CDH13: variants seen among roughly 807,000 people sequenced by gnomAD.
CDH13 encodes the protein cadherin 13, also known as cadherin-13.
CDH13 carries 24 observed loss-of-function variants against 63.8 expected under a neutral mutation model. That is an observed-to-expected ratio of 0.38 (90% CI 0.27 to 0.53). CDH13 has a LOEUF of 0.53. CDH13 is among the 20% of genes least tolerant of loss of function. The probability of loss-of-function intolerance (pLI) is 0.85; values close to 1 mark genes in which losing one functional copy is unlikely to be tolerated. For synonymous variants in CDH13, 503 were observed against 355.3 expected (o/e 1.42, Z -4.67); for missense variants, 1,049 against 903.1 (o/e 1.16, Z -2.07).
intron 3 of CDH13, among the ~76,000 whole-genome samples, chr16:83,100,161 T>G (rs541362663): frequency 6.6e-6 from 1 of 152,198 alleles, no homozygotes; most frequent in Admixed American, 6.5e-5. Flanking sequence ...TCTGGTTTAC[T>G]AGGGTTAGAA....
At chr16:83,571,860 C>T (rs554053217) in intron 7 of CDH13, among the ~76,000 whole-genome samples, 1 of 152,278 alleles carries the variant, frequency 6.6e-6, no homozygotes, top group African/African-American at 2.4e-5. Flanking sequence ...ATTCCCCTGG[C>T]TCCTCACATG....
At chr16:82,909,820 T>G (rs912288519) in intron 2 of CDH13, among the ~76,000 whole-genome samples, 1 of 152,192 alleles carries the variant, frequency 6.6e-6, no homozygotes, top group Non-Finnish European at 1.5e-5. Flanking sequence ...CGATATCAGA[T>G]GTACTTCGCA....
intron 6 of CDH13, among the ~76,000 whole-genome samples, chr16:83,405,922 T>G (rs1255237100): frequency 6.6e-6 from 1 of 152,194 alleles, no homozygotes; most frequent in East Asian, 1.9e-4. Flanking sequence ...CAGTTCAAAG[T>G]TAGAACAGGC....
chr16:82,830,066 C>T (rs1174818739), intron 1 of CDH13, among the ~76,000 whole-genome samples: 2 of 152,162 alleles, frequency 1.3e-5, no homozygotes, highest in African/African-American at 2.4e-5. Context: ...AGCAGTCCTA[C>T]AATAAAAATG....
intron 7 of CDH13, among the ~76,000 whole-genome samples, chr16:83,553,802 C>G (rs1042449175): frequency 3.3e-5 from 5 of 152,240 alleles, no homozygotes; most frequent in Non-Finnish European, 5.9e-5. Flanking sequence ...GGTGATCCAC[C>G]TGCCTTGGCC....
chr16:83,343,614 T>A (rs1246967005), intron 5 of CDH13, among the ~76,000 whole-genome samples: 1 of 152,246 alleles, frequency 6.6e-6, no homozygotes, highest in Non-Finnish European at 1.5e-5. Flanking sequence ...ATAACAAGAA[T>A]GTTTGTCTTT....
chr16:82,634,117 G>A lies in CDH13; in HGVS notation c.45+6980G>A, dbSNP rs539734584. 1.7e-4 allele frequency among the ~76,000 whole-genome samples: 26 copies of A among 152,328 alleles called. No individual in the cohort carries two copies. The South Asian group carries it at 4.6e-3, about 27-fold the overall frequency. On this transcript the variant is annotated intron_variant, in intron 1 of 13. Coordinates refer to ENST00000567109, the MANE Select transcript of CDH13 (RefSeq NM_001257.5). Reference sequence around the variant, plus strand: ...TGTGTCTCCTAGCTGAACGCAGCCCGGGCTGGGGCGGAGGGCAGCAGCTGC... The same window carrying A: ...TGTGTCTCCTAGCTGAACGCAGCCCAGGCTGGGGCGGAGGGCAGCAGCTGC...
intron 8 of CDH13, among the ~76,000 whole-genome samples, chr16:83,611,800 G>T (rs1158186269): frequency 2.6e-5 from 4 of 151,938 alleles, no homozygotes; most frequent in Non-Finnish European, 5.9e-5. Flanking sequence ...GAAGTATATT[G>T]CTAAATGTGA....
intron 3 of CDH13, among the ~76,000 whole-genome samples, chr16:83,116,750 A>G (rs73602272): frequency 0.022 from 3,323 of 152,318 alleles, 118 homozygotes; most frequent in African/African-American, 0.076. Context: ...ACACACTTAA[A>G]ACGGGTGAAT....
At chr16:82,834,343 G>A (rs774921299) in intron 1 of CDH13, among the ~76,000 whole-genome samples, 2 of 152,216 alleles carry the variant, frequency 1.3e-5, no homozygotes, top group South Asian at 2.1e-4. Context: ...CCACCACGAG[G>A]AGGCCCCTAA....
At chr16:83,156,280 G>T (rs2037203306) in intron 4 of CDH13, among the ~76,000 whole-genome samples, 1 of 152,114 alleles carries the variant, frequency 6.6e-6, no homozygotes, top group African/African-American at 2.4e-5. Flanking sequence ...AGGGCCACTG[G>T]TTCTTTAAAA....
chr16:83,083,568 C>A (rs1454495979), intron 3 of CDH13, among the ~76,000 whole-genome samples: 1 of 152,146 alleles, frequency 6.6e-6, no homozygotes, highest in African/African-American at 2.4e-5. Context: ...TCAGCCCCAC[C>A]GAAATTCTGT....
At chr16:82,729,421 C>G (rs529183705) in intron 1 of CDH13, among the ~76,000 whole-genome samples, 15 of 152,086 alleles carry the variant, frequency 9.9e-5, no homozygotes, top group Admixed American at 5.2e-4. Context: ...AAACTAGTCT[C>G]GTACATCTCT....
At chr16:83,134,213 GAC>G (rs1336464404) in intron 4 of CDH13, among the ~76,000 whole-genome samples, 2 of 151,968 alleles carry the variant, frequency 1.3e-5, no homozygotes, top group Non-Finnish European at 2.9e-5. Flanking sequence ...TTTTCTTTGA[GAC>G]AGAGTCTCGC....
intron 7 of CDH13, among the ~76,000 whole-genome samples, chr16:83,517,799 CT>C (rs942464349): frequency 6.6e-6 from 1 of 152,116 alleles, no homozygotes; most frequent in African/African-American, 2.4e-5. Context: ...TTTGGAGGCT[CT>C]TTTTTTAGCT....
At chr16:82,884,045 A>G (rs1395970502) in intron 2 of CDH13, 3 of 324,046 alleles carry the variant, frequency 9.3e-6, no homozygotes. Flanking sequence ...ATGAATTATT[A>G]TGACTACAAC....
intron 2 of CDH13, among the ~76,000 whole-genome samples, chr16:82,961,839 C>T (rs1489711503): frequency 1.3e-5 from 2 of 152,160 alleles, no homozygotes; most frequent in Non-Finnish European, 2.9e-5. Context: ...GGGATGGGGG[C>T]TGCCGTTGGC....
rs2073021989 is a variant in CDH13, at chr16:83,456,254, T to C, written c.782-30223T>C. Among the ~76,000 whole-genome samples, 2 of 152,202 alleles carry C rather than the reference T, an allele frequency of 1.3e-5. 1 individual carries two copies. Among genetic ancestry groups the C allele is most frequent in the South Asian group, 4.1e-4 (2 of 4,830 alleles). ...AATAAGGATGTCGGGATGTGGCAGT[T>C]ACAGGTGTCTCTGAACATTTCACTA... On this transcript the variant is annotated intron_variant, in intron 6 of 13. Transcript: ENST00000567109.
At chr16:83,536,518 A>G (rs2075192787) in intron 7 of CDH13, among the ~76,000 whole-genome samples, 1 of 152,168 alleles carries the variant, frequency 6.6e-6, no homozygotes, top group Non-Finnish European at 1.5e-5. Flanking sequence ...GTGGGTGTAG[A>G]TAAGGCTGGA....
Sources: gnomAD v4.1 joint callset for allele counts (sites outside exome capture counted in the v4.1 genomes callset) on GRCh38, gnomAD v4.1.1 for gene constraint, MANE v1.5 for transcripts, NCBI Gene and HGNC (gene_info 2026-07-23, HGNC 2026-07-21) for gene names.